PRKD3: variants seen among roughly 807,000 people sequenced by gnomAD.
PRKD3 encodes the protein serine/threonine-protein kinase D3.
Under a neutral mutation model 99.2 loss-of-function variants are expected in PRKD3, and 47 were observed. The observed-to-expected ratio is 0.47, with a 90% CI of 0.38 to 0.60. PRKD3 has a LOEUF of 0.60. Ranked by LOEUF, PRKD3 falls within the 20% of genes least tolerant of loss-of-function variation. The pLI is 0.00. For missense variants in PRKD3, 1,019 were observed against 1,088.4 expected, an observed-to-expected ratio of 0.94 and a Z score of 0.90; for synonymous variants, 392 against 355.4, an observed-to-expected ratio of 1.10 and a Z score of -1.16.
chr2:37,286,321 G>A lies in PRKD3; in HGVS notation c.766C>T (p.Arg256Cys). The A allele has an allele frequency of 1.9e-6, 3 of 1,614,018 alleles. No individual in the cohort carries two copies. Among genetic ancestry groups the A allele is most frequent in the Non-Finnish European group, 2.5e-6 (3 of 1,179,970 alleles). Residue 256 changes from arginine to cysteine, a missense_variant, in exon 6 of 19, where the codon CGC becomes TGC. By Grantham distance (180) the Arg-to-Cys change is radical. Transcript: ENST00000234179. ...PSKRIPSWSG[R>C]PIWMEKMVMC... is the part of the protein sequence containing the mutation. ...ACCATCTTTTCCATCCAGATTGGGC[G>A]ACCACTCCAAGAAGGAATTCTCTTA...
chr2:37,259,352 T>C (rs1189963783), intron 16 of PRKD3, among the ~76,000 whole-genome samples: 2 of 152,256 alleles, frequency 1.3e-5, no homozygotes, highest in Non-Finnish European at 2.9e-5. Flanking sequence ...AGAGGTGAAT[T>C]GCAGAATCTA....
In PRKD3 at chr2:37,289,495, T is replaced by C; in HGVS notation, c.578A>G (p.His193Arg). Residue 193 changes from histidine to arginine, a missense_variant, in exon 5 of 19, where the codon CAT becomes CGT. Coordinates refer to ENST00000234179, the MANE Select transcript of PRKD3 (RefSeq NM_005813.6). Reference protein sequence around the residue: ...LKCEGCGLNYHKRCAFKIPNN... With the variant: ...LKCEGCGLNYRKRCAFKIPNN... Reference sequence around the variant, plus strand: ...TGGAATCTTGAAGGCACATCGTTTATGGTAATTTAATCCACAGCCTAAACA... The same window carrying C: ...TGGAATCTTGAAGGCACATCGTTTACGGTAATTTAATCCACAGCCTAAACA... The C allele has an allele frequency of 6.2e-7, 1 of 1,613,100 alleles. No homozygotes were observed. The highest frequency in any genetic ancestry group is 8.5e-7 in the Non-Finnish European group (1 of 1,179,212).
chr2:37,316,544 T>A lies in PRKD3; in HGVS notation c.-20A>T, dbSNP rs1445894842. The A allele has an allele frequency of 1.3e-6, 2 of 1,598,542 alleles. No individual in the cohort carries two copies. The highest frequency in any genetic ancestry group is 2.7e-5 in the African/African-American group (2 of 74,024). ...AGACATCTGCCTTTCTTTAATCTTT[T>A]AAAATAGTTGTCGATTCTTTTTCAA... On this transcript the variant is annotated 5_prime_UTR_variant, in exon 2 of 19. Coordinates refer to ENST00000234179, the MANE Select transcript of PRKD3 (RefSeq NM_005813.6).
intron 2 of PRKD3, among the ~76,000 whole-genome samples, chr2:37,298,039 T>A (rs530427269): frequency 2.0e-5 from 3 of 152,318 alleles, no homozygotes; most frequent in Admixed American, 2.0e-4. Context: ...TTTATCTATT[T>A]TCCCCCACTT....
intron 12 of PRKD3, among the ~76,000 whole-genome samples, chr2:37,271,001 G>C (rs955627824): frequency 4.6e-5 from 7 of 152,070 alleles, no homozygotes; most frequent in Admixed American, 2.0e-4. Context: ...AGAATATGCT[G>C]TCTATTCTAC....
At chr2:37,282,913 TG>T (rs529828708) in intron 6 of PRKD3, among the ~76,000 whole-genome samples, 30 of 152,348 alleles carry the variant, frequency 2.0e-4, no homozygotes, top group Non-Finnish European at 3.5e-4. Flanking sequence ...TTTCTCAAGC[TG>T]ATTAAATTCC....
At chr2:37,267,653 T>C in intron 13 of PRKD3, 117 bp from the exon 14 acceptor site, 1 of 797,092 alleles carries the variant, frequency 1.3e-6, no homozygotes, top group Non-Finnish European at 2.0e-6. Context: ...GGCTCATTTT[T>C]GTTCTTTCTC....
chr2:37,272,589 G>A (rs949726384), intron 11 of PRKD3, among the ~76,000 whole-genome samples, 157 bp from the exon 12 acceptor site: 2 of 151,958 alleles, frequency 1.3e-5, no homozygotes, highest in African/African-American at 4.8e-5. Flanking sequence ...CCCATCAACA[G>A]GAAACTAGAT....
At chr2:37,293,316 T>G (rs758571595) in intron 2 of PRKD3, 45 bp from the exon 3 acceptor site, 3 of 1,460,480 alleles carry the variant, frequency 2.1e-6, no homozygotes, top group Admixed American at 4.0e-5. Context: ...AGTTTTCTAT[T>G]TTTATAAGTA....
In PRKD3 at chr2:37,274,354, C is replaced by T. The variant is rs966731200; in HGVS notation, c.1651+67G>A. ...GAACATTAAAAGGAACAAAGGAACACAACCATACCCACAAAATGCTTAAGA... is the reference window on the plus strand; with the variant it reads ...GAACATTAAAAGGAACAAAGGAACATAACCATACCCACAAAATGCTTAAGA... On this transcript the variant is annotated intron_variant, in intron 11 of 18. Transcript: ENST00000234179. 19 of 1,560,876 alleles carry T rather than the reference C, an allele frequency of 1.2e-5. No homozygotes were observed. The Admixed American group carries it at 2.4e-4, about 20-fold the overall frequency.
chr2:37,304,909 T>C (rs1053007763), intron 2 of PRKD3, among the ~76,000 whole-genome samples: 2 of 152,116 alleles, frequency 1.3e-5, no homozygotes, highest in Non-Finnish European at 2.9e-5. Flanking sequence ...GAATTAAAGA[T>C]CTAGGATCTT....
chr2:37,287,178 C>T (rs1371723320), intron 5 of PRKD3, among the ~76,000 whole-genome samples: 1 of 123,446 alleles, frequency 8.1e-6, no homozygotes, highest in Admixed American at 1.1e-4. Flanking sequence ...TCCGGTAAGC[C>T]GAGATCATGC....
At chr2:37,253,495 A>C (rs190276719) in intron 18 of PRKD3, 145 bp from the exon 19 acceptor site, 2 of 540,698 alleles carry the variant, frequency 3.7e-6, no homozygotes, top group Non-Finnish European at 6.0e-6. Context: ...ACTATGTACT[A>C]AGTTCTACTT....
At position 37,316,701 on chromosome 2, in the gene PRKD3, A is replaced by G; in HGVS notation, c.-177T>C. ...CTTTTAAGTTTTATCAAGGAGTTGA[A>G]TGCCCCAAAGGTCCTATTTCTCTTA... On this transcript the variant is annotated 5_prime_UTR_variant, in exon 2 of 19. Transcript: ENST00000234179. 1 of 1,428,666 alleles carries G rather than the reference A, an allele frequency of 7.0e-7. No homozygotes were observed. 88.5% of individuals were successfully genotyped at this position (1,428,666 alleles called of 1,614,324 possible).
At position 37,316,485 on chromosome 2, in the gene PRKD3, C is replaced by T. The variant is rs753749590; in HGVS notation, c.40G>A (p.Val14Ile). Residue 14 changes from valine (V) to isoleucine (I), a missense_variant, in exon 2 of 19, where the codon GTA becomes ATA. By Grantham distance (29) the Val-to-Ile change is conservative. Around this residue, in one of 3 missense-constraint regions of PRKD3, gnomAD observed 710 missense variants for 692.7 expected, o/e 1.02. Transcript: ENST00000234179. ...ACAGCAGGAATAGCTGTGGGTAATA[C>T]AGACTTCTGGGCTGATGGAGGGGAA... is the stretch of plus-strand genomic sequence containing the variant. ...NNSPPSAQKS[V>I]LPTAIPAVLP... 3 of 1,614,264 alleles carry T rather than the reference C, an allele frequency of 1.9e-6. No individual in the cohort carries two copies. The highest frequency in any genetic ancestry group is 1.1e-5 in the South Asian group (1 of 91,088).
intron 6 of PRKD3, among the ~76,000 whole-genome samples, chr2:37,285,872 G>T (rs992876508): frequency 6.6e-6 from 1 of 152,016 alleles, no homozygotes; most frequent in Admixed American, 6.6e-5. Context: ...GTAGTTAATA[G>T]TAATAGTAAC....
intron 2 of PRKD3, among the ~76,000 whole-genome samples, chr2:37,304,048 T>C (rs1671052323): frequency 6.6e-6 from 1 of 152,286 alleles, no homozygotes; most frequent in South Asian, 2.1e-4. Context: ...AATACCAACG[T>C]CATTTTAAAA....
rs1667962109 is a variant in PRKD3 at position 37,256,622 on chromosome 2, G to A, written c.2413+40C>T. Reference sequence around the variant, plus strand: ...AAGATGTTTAGGCTTAAAACACATAGCCAAAATTTTTTTTTTTTTTTTTTT... The same window carrying A: ...AAGATGTTTAGGCTTAAAACACATAACCAAAATTTTTTTTTTTTTTTTTTT... On this transcript the variant is annotated intron_variant, in intron 17 of 18. Coordinates refer to ENST00000234179, the MANE Select transcript of PRKD3 (RefSeq NM_005813.6). 7.8e-6 allele frequency: 11 copies of A among 1,412,356 alleles called. No individual in the cohort carries two copies. The East Asian group carries it at 2.6e-4, about 33-fold the overall frequency. 87.5% of individuals were successfully genotyped at this position (1,412,356 alleles called of 1,614,324 possible).
At position 37,286,380 on chromosome 2, in the gene PRKD3, A is replaced by T; in HGVS notation, c.718-11T>A. The T allele has an allele frequency of 6.2e-7, 1 of 1,608,928 alleles. No homozygotes were observed. The highest frequency in any genetic ancestry group is 8.5e-7 in the Non-Finnish European group (1 of 1,175,718). ...CTGGTGGACATGTGACTATAACATA[A>T]GTAATTTTCATAAGTGTAAGTCAAT... is the stretch of plus-strand genomic sequence containing the variant. On this transcript the variant is annotated splice_polypyrimidine_tract_variant and intron_variant, in intron 5 of 18. Coordinates refer to ENST00000234179, the MANE Select transcript of PRKD3 (RefSeq NM_005813.6).
Sources: allele counts gnomAD v4.1 joint callset (sites outside exome capture counted in the v4.1 genomes callset), GRCh38; gene constraint gnomAD v4.1.1; regional missense constraint gnomAD v4.1.1; transcripts MANE v1.5; gene names NCBI Gene and HGNC (gene_info 2026-07-23, HGNC 2026-07-21).